The following ABCC10 variants were observed in gnomAD, a reference collection of about 807,000 sequenced individuals.
ABCC10 encodes the protein ATP-binding cassette sub-family C member 10.
In ABCC10, 110 loss-of-function variants were observed where a neutral mutation model predicts 143.2. The ratio of observed to expected loss-of-function variants is 0.77; its 90% CI spans 0.66 to 0.90. The LOEUF is 0.90. ABCC10 is among the 40% of genes least tolerant of loss of function. The pLI is 0.00. For synonymous variants in ABCC10, 805 were observed against 846.7 expected (o/e 0.95, Z 0.85); for missense variants, 1,700 against 1,900.5 (o/e 0.89, Z 1.96).
At chr6:43,439,004 T>C (rs749809349) in intron 8 of ABCC10, among the ~76,000 whole-genome samples, 4 of 152,158 alleles carry the variant, frequency 2.6e-5, no homozygotes, top group Non-Finnish European at 5.9e-5. Context: ...TTCTGCACAG[T>C]TGTGGGAAGA....
chr6:43,438,229 C>T (rs1447483934), intron 7 of ABCC10: 2 of 961,780 alleles, frequency 2.1e-6, no homozygotes, highest in Non-Finnish European at 3.0e-6. Context: ...CTATAATAGT[C>T]AGCAAAGGAA....
At chr6:43,428,953 A>G (rs1780797493) in intron 2 of ABCC10, among the ~76,000 whole-genome samples, 1 of 152,188 alleles carries the variant, frequency 6.6e-6, no homozygotes, top group Non-Finnish European at 1.5e-5. Flanking sequence ...GTCTCTGTGT[A>G]AGAAACAAAT....
chr6:43,437,433 CAAAAAAAAAAAA>C (rs57827467), intron 6 of ABCC10, among the ~76,000 whole-genome samples: 4 of 102,412 alleles, frequency 3.9e-5, no homozygotes, highest in South Asian at 6.0e-4. Context: ...AACATATGAC[CAAAAAAAAAAAA>C]AAAAAAAAAA....
intron 2 of ABCC10, among the ~76,000 whole-genome samples, chr6:43,429,413 G>GTGTGTGGT (rs1780888624): frequency 3.4e-4 from 1 of 2,906 alleles, no homozygotes; most frequent in Non-Finnish European, 8.6e-4. Flanking sequence ...TGTGTGTGGC[G>GTGTGTGGT]GGGGGGAGGG....
chr6:43,446,335 A>G lies in ABCC10; in HGVS notation c.3433A>G (p.Ser1145Gly), dbSNP rs755967423. The G allele has an allele frequency of 1.2e-6, 2 of 1,613,988 alleles. No homozygotes were observed. The highest frequency in any genetic ancestry group is 1.7e-6 in the Non-Finnish European group (2 of 1,179,942). The change falls in exon 16 of 22, where the codon AGT becomes GGT. Residue 1145 changes from serine (S) to glycine (G), a missense_variant. Transcript: ENST00000372530. ...AAACCAGAGGTGCCAGTTTGCCACC[A>G]GTGCCACAATGCAGTGGCTGGACAT... ...ELNQRCQFATSATMQWLDIRL... is the reference protein window; with the variant it reads ...ELNQRCQFATGATMQWLDIRL...
chr6:43,445,845 C>T lies in ABCC10; in HGVS notation c.3277C>T (p.Arg1093Trp), dbSNP rs773675473. The T allele has an allele frequency of 5.5e-5, 89 of 1,613,994 alleles. 1 individual carries two copies. Among genetic ancestry groups the T allele is most frequent in the Middle Eastern group, 3.3e-4 (2 of 6,084 alleles). Reference protein sequence around the residue: ...RHYRASSRELRRLGSLTLSPL... With the variant: ...RHYRASSRELWRLGSLTLSPL... ...CTACAGGGCCTCCTCACGGGAGCTGCGGCGCCTGGGCAGCCTCACCCTGTC... is the reference window on the plus strand; with the variant it reads ...CTACAGGGCCTCCTCACGGGAGCTGTGGCGCCTGGGCAGCCTCACCCTGTC... The change falls in exon 15 of 22, where the codon CGG (arginine) becomes TGG (tryptophan). Residue 1093 changes from arginine (R) to tryptophan (W), a missense_variant. Physicochemically the swap from Arg to Trp is moderately radical, Grantham distance 101 (BLOSUM62 -3). Coordinates refer to ENST00000372530, the MANE Select transcript of ABCC10 (RefSeq NM_001198934.2).
chr6:43,432,480 G>C lies in ABCC10; in HGVS notation c.500G>C (p.Gly167Ala), dbSNP rs1455693575. ...RGTLLPPLLP[G>A]PMARLCLLIL... ...ACACTTCTGCCCCCACTTCTCCCAGGGCCCATGGCCCGCCTATGCTTGCTC... is the reference window on the plus strand; with the variant it reads ...ACACTTCTGCCCCCACTTCTCCCAGCGCCCATGGCCCGCCTATGCTTGCTC... Residue 167 changes from glycine to alanine, a missense_variant, in exon 3 of 22, where the codon GGG becomes GCG. By Grantham distance (60) the Gly-to-Ala change is moderately conservative. Transcript: ENST00000372530. 1 of 1,611,764 alleles carries C rather than the reference G, an allele frequency of 6.2e-7. No individual in the cohort carries two copies. Among genetic ancestry groups the C allele is most frequent in the African/African-American group, 1.3e-5 (1 of 75,046 alleles).
chr6:43,443,165 G>C lies in ABCC10; in HGVS notation c.2416+6G>C. 2 of 1,587,258 alleles carry C rather than the reference G, an allele frequency of 1.3e-6. No homozygotes were observed. The highest frequency in any genetic ancestry group is 1.7e-6 in the Non-Finnish European group (2 of 1,172,560). Reference sequence around the variant, plus strand: ...CGGGCGCCTCATCCGGGCTGGTAATGGGGGCAGGAGCCCCGTGTGAGGGAG... The same window carrying C: ...CGGGCGCCTCATCCGGGCTGGTAATCGGGGCAGGAGCCCCGTGTGAGGGAG... On this transcript the variant is annotated splice_donor_region_variant and intron_variant, in intron 10 of 21. Transcript: ENST00000372530. This position sits in a 1 kb window ranked among gnomAD's most constrained non-coding sequence, Gnocchi z 4.2.
rs549723579 is a variant in ABCC10, at chr6:43,428,135, C to A, written c.157C>A (p.Pro53Thr). The change falls in exon 2 of 22, where the codon CCG becomes ACG. Residue 53 changes from proline to threonine, a missense_variant. Pro to Thr is a conservative substitution (Grantham distance 38, BLOSUM62 -1). Coordinates refer to ENST00000372530, the MANE Select transcript of ABCC10 (RefSeq NM_001198934.2). ...AVLSACYLGT[P>T]RSPDYILPCS... ...GCTCAGTGCCTGTTACTTGGGCACCCCGAGGTGGGTAGAGACGGGCGCAAG... is the reference window on the plus strand; with the variant it reads ...GCTCAGTGCCTGTTACTTGGGCACCACGAGGTGGGTAGAGACGGGCGCAAG... 3 of 1,534,748 alleles carry A rather than the reference C, an allele frequency of 2.0e-6. No individual in the cohort carries two copies. The highest frequency in any genetic ancestry group is 2.6e-6 in the Non-Finnish European group (3 of 1,142,500).
chr6:43,444,931 A>G lies in ABCC10; in HGVS notation c.2833A>G (p.Asn945Asp). 2 of 1,611,894 alleles carry G rather than the reference A, an allele frequency of 1.2e-6. No homozygotes were observed. Among genetic ancestry groups the G allele is most frequent in the Non-Finnish European group, 1.7e-6 (2 of 1,178,990 alleles). The stretch of plus-strand genomic sequence containing the variant: ...GCAGCTGCTCCTCTTTTCCCCTGGA[A>G]ACCTCTAGTGAGTGGCTGGGGCTGG... ...SPQLLLFSPG[N>D]LYIPVFPLPK... Residue 945 changes from asparagine (N) to aspartate (D), a missense_variant, in exon 13 of 22, where the codon AAC (asparagine) becomes GAC (aspartate). Physicochemically the swap from Asn to Asp is conservative, Grantham distance 23. Transcript: ENST00000372530.
In ABCC10 at chr6:43,438,045, C is replaced by T. The variant is rs771386814; in HGVS notation, c.1955+32C>T. 12 of 1,597,006 alleles carry T rather than the reference C, an allele frequency of 7.5e-6. No homozygotes were observed. In the South Asian group the frequency reaches 1.1e-4, roughly 15 times the overall value. On this transcript the variant is annotated intron_variant, in intron 7 of 21. Coordinates refer to ENST00000372530, the MANE Select transcript of ABCC10 (RefSeq NM_001198934.2). ...AACCTCCTATGCACCCCTGTCCTTACTTTGTCCTTTAGCAAACACTGAGCC... is the reference window on the plus strand; with the variant it reads ...AACCTCCTATGCACCCCTGTCCTTATTTTGTCCTTTAGCAAACACTGAGCC...
rs768742320 is a variant in ABCC10, at chr6:43,446,391, C to T, written c.3489C>T (p.Val1163=). Residue 1163 remains valine, a synonymous_variant, in exon 16 of 22, where the codon GTC becomes GTT. Coordinates refer to ENST00000372530, the MANE Select transcript of ABCC10 (RefSeq NM_001198934.2). ...IRLQLMGAAV[V]SAIAGIALVQ... is the part of the protein sequence containing the mutation. Reference sequence around the variant, plus strand: ...TACAGCTCATGGGGGCGGCAGTGGTCAGCGCTATCGCAGGCATCGCTCTGG... The same window carrying T: ...TACAGCTCATGGGGGCGGCAGTGGTTAGCGCTATCGCAGGCATCGCTCTGG... 1.9e-6 allele frequency: 3 copies of T among 1,613,196 alleles called. No individual in the cohort carries two copies. Among genetic ancestry groups the T allele is most frequent in the Non-Finnish European group, 2.5e-6 (3 of 1,179,918 alleles).
intron 7 of ABCC10, 146 bp from the exon 8 acceptor site, chr6:43,438,478 C>T: frequency 6.9e-7 from 1 of 1,441,592 alleles, no homozygotes; most frequent in Non-Finnish European, 9.1e-7. Context: ...CCCTTGACCT[C>T]AGGAGCTGCC....
chr6:43,431,984 A>G, intron 2 of ABCC10, 158 bp from the exon 3 acceptor site: 1 of 1,433,608 alleles, frequency 7.0e-7, no homozygotes, highest in Non-Finnish European at 9.2e-7. Flanking sequence ...TTCCTGGGAG[A>G]AAAGACCCTG....
In ABCC10 at chr6:43,428,026, G is replaced by A. The variant is rs748877116; in HGVS notation, c.48G>A (p.Pro16=). ...AQLCGSSAAW[P]LPLWEGDTTG... is the part of the protein sequence containing the mutation. ...TGTGCGGCAGCAGCGCAGCGTGGCC[G>A]CTCCCGCTGTGGGAGGGGGACACCA... is the stretch of plus-strand genomic sequence containing the variant. Residue 16 remains proline, a synonymous_variant, in exon 2 of 22, where the codon CCG becomes CCA. Coordinates refer to ENST00000372530, the MANE Select transcript of ABCC10 (RefSeq NM_001198934.2). The A allele has an allele frequency of 1.9e-5, 30 of 1,607,630 alleles. No individual in the cohort carries two copies. The highest frequency in any genetic ancestry group is 2.3e-5 in the Non-Finnish European group (27 of 1,177,860).
Position 43,444,207 on chromosome 6 carries a change from AG to A in ABCC10, c.2545del (p.Glu849ArgfsTer38). On this transcript the variant is annotated frameshift_variant, in exon 12 of 22. Coordinates refer to ENST00000372530, the MANE Select transcript of ABCC10 (RefSeq NM_001198934.2). LOFTEE classifies it high-confidence loss of function. ...CCAGAGAAAACAAAGGAGGGGCTGG[AG>A]GAGGAGCAGAGCACATCTGGTCGCC... is the stretch of plus-strand genomic sequence containing the variant. ...QNPEKTKEGL[E>X]EEQSTSGRLL... 1 of 1,614,042 alleles carries A rather than the reference AG, an allele frequency of 6.2e-7. No individual in the cohort carries two copies. The highest frequency in any genetic ancestry group is 8.5e-7 in the Non-Finnish European group (1 of 1,179,972).
At position 43,444,163 on chromosome 6, in the gene ABCC10, A is replaced by G. The variant is rs1782774204; in HGVS notation, c.2499A>G (p.Thr833=). 8 of 1,612,156 alleles carry G rather than the reference A, an allele frequency of 5.0e-6. No individual in the cohort carries two copies. The East Asian group carries it at 1.8e-4, about 36-fold the overall frequency. Residue 833 remains threonine (T), a synonymous_variant, in exon 12 of 22, where the codon ACA becomes ACG. Transcript: ENST00000372530. The part of the protein sequence containing the change: ...AENGQESDSA[T]AQSVQNPEKT... ...CATGACCCCTGATTCTCACAGCCAC[A>G]GCCCAGTCAGTACAGAACCCAGAGA...
intron 2 of ABCC10, among the ~76,000 whole-genome samples, chr6:43,428,985 C>T (rs1317202546): frequency 3.3e-5 from 5 of 152,312 alleles, no homozygotes; most frequent in African/African-American, 1.2e-4. Context: ...CCAGACCAAG[C>T]GGATACACAG....
At chr6:43,431,581 C>T (rs951491284) in intron 2 of ABCC10, among the ~76,000 whole-genome samples, 1 of 152,132 alleles carries the variant, frequency 6.6e-6, no homozygotes, top group African/African-American at 2.4e-5. Context: ...AGGCTGGTCT[C>T]GAACTCCTAA....
Sources: allele counts gnomAD v4.1 joint callset (sites outside exome capture counted in the v4.1 genomes callset), GRCh38; gene constraint gnomAD v4.1.1; non-coding constraint Gnocchi (gnomAD v3.1); transcripts MANE v1.5; gene names NCBI Gene and HGNC (gene_info 2026-07-23, HGNC 2026-07-21).